Variants in DUOX2 observed in about 807,000 individuals in gnomAD.
The protein encoded by DUOX2 is NADH/NADPH thyroid oxidase p138-tox.
Under a neutral mutation model 183.3 loss-of-function variants are expected in DUOX2, and 185 were observed. That is an observed-to-expected ratio of 1.01 (90% CI 0.90 to 1.14). DUOX2 has a LOEUF of 1.14. DUOX2 is among the 50% of genes most tolerant of loss of function. DUOX2 has a pLI of 0.00. For missense variants in DUOX2, 1,999 were observed against 2,022.9 expected, an observed-to-expected ratio of 0.99 and a Z score of 0.23; for synonymous variants, 788 against 812.4, an observed-to-expected ratio of 0.97 and a Z score of 0.51.
rs1320356817 is a variant in DUOX2 at position 45,111,446 on chromosome 15, G to C, written c.653C>G (p.Pro218Arg). 2 of 1,544,676 alleles carry C rather than the reference G, an allele frequency of 1.3e-6. No homozygotes were observed. The highest frequency in any genetic ancestry group is 2.8e-5 in the African/African-American group (2 of 72,578). Reference sequence around the variant, plus strand: ...GTCGGGCGCCGCCCACATGAGCAGGGGGTTCTGCGAGTCTCGGGGGAAAGC... The same window carrying C: ...GTCGGGCGCCGCCCACATGAGCAGGCGGTTCTGCGAGTCTCGGGGGAAAGC... ...DPAFPRDSQN[P>R]LLMWAAPDPA... Residue 218 changes from proline (P) to arginine (R), a missense_variant, in exon 6 of 34, where the codon CCC becomes CGC. Physicochemically the swap from Pro to Arg is moderately radical, Grantham distance 103. Coordinates refer to ENST00000389039, the MANE Select transcript of DUOX2 (RefSeq NM_001363711.2).
intron 15 of DUOX2, 41 bp downstream of exon 15, chr15:45,106,791 G>C (rs370004660): frequency 1.2e-4 from 197 of 1,598,848 alleles, no homozygotes; most frequent in Middle Eastern, 3.3e-4. Context: ...CAGGAAATGA[G>C]GGGCAGGGCC....
intron 20 of DUOX2, among the ~76,000 whole-genome samples, chr15:45,103,077 G>A (rs1030039640): frequency 2.0e-5 from 3 of 152,240 alleles, no homozygotes; most frequent in African/African-American, 7.2e-5. Context: ...ACCTCGGGCT[G>A]GGCCTGCAGT....
rs2141145828 is a variant in DUOX2, at chr15:45,101,203, A to G, written c.2921+2T>C. ...ACCTGCCAGAGCCCCATTCCTGCTC[A>G]CCGCTCCCCAGGTGTCCGAGTGATG... On this transcript the variant is annotated splice_donor_variant, in intron 22 of 33. Coordinates refer to ENST00000389039, the MANE Select transcript of DUOX2 (RefSeq NM_001363711.2). LOFTEE classifies it high-confidence loss of function. 1 of 1,613,378 alleles carries G rather than the reference A, an allele frequency of 6.2e-7. No individual in the cohort carries two copies. The highest frequency in any genetic ancestry group is 1.3e-5 in the African/African-American group (1 of 75,018).
chr15:45,094,606 G>A lies in DUOX2; in HGVS notation c.4481C>T (p.Pro1494Leu), dbSNP rs576041718. 9.9e-6 allele frequency: 16 copies of A among 1,614,104 alleles called. No homozygotes were observed. The highest frequency in any genetic ancestry group is 2.2e-5 in the East Asian group (1 of 44,862). ...CAGGGAGTTGAAGAAGGGCTCGAAG[G>A]GGGGACGGCCAAAGTGGGTGATGGA... ...LRSITHFGRP[P>L]FEPFFNSLQE... The change falls in exon 33 of 34, where the codon CCC becomes CTC. Residue 1494 changes from proline (P) to leucine (L), a missense_variant. Pro to Leu is a moderately conservative substitution (Grantham distance 98, BLOSUM62 -3). Around this residue, in one of 3 missense-constraint regions of DUOX2, gnomAD observed 1,628 missense variants for 1,608.6 expected, o/e 1.01. Transcript: ENST00000389039.
At position 45,109,400 on chromosome 15, in the gene DUOX2, T is replaced by C. The variant is rs1894317071; in HGVS notation, c.1234+124A>G. Reference sequence around the variant, plus strand: ...AGTTCATTTTCTTCTTATGGCTCCTTGAAGTCTGTGTTTGTATCTGTGTTC... The same window carrying C: ...AGTTCATTTTCTTCTTATGGCTCCTCGAAGTCTGTGTTTGTATCTGTGTTC... On this transcript the variant is annotated intron_variant, in intron 11 of 33. Transcript: ENST00000389039. The C allele has an allele frequency of 4.1e-5, 33 of 813,226 alleles. No homozygotes were observed. In the South Asian group the frequency reaches 4.5e-4, roughly 11 times the overall value. 50.4% of individuals were successfully genotyped at this position (813,226 alleles called of 1,614,324 possible).
At position 45,099,547 on chromosome 15, in the gene DUOX2, G is replaced by T. The variant is rs1334117249; in HGVS notation, c.3416-65C>A. The T allele has an allele frequency of 2.5e-6, 4 of 1,586,644 alleles. No individual in the cohort carries two copies. The Admixed American group carries it at 6.8e-5, about 27-fold the overall frequency. On this transcript the variant is annotated intron_variant, in intron 25 of 33. Coordinates refer to ENST00000389039, the MANE Select transcript of DUOX2 (RefSeq NM_001363711.2). The stretch of plus-strand genomic sequence containing the variant: ...AGACTCTACCTCCGATCCTGAGGGA[G>T]AGAGGAGGCATAGGGAGGAGAGATG...
rs374320186 is a variant in DUOX2, at chr15:45,107,333, C to A, written c.1693+12G>T. On this transcript the variant is annotated intron_variant, in intron 14 of 33. Coordinates refer to ENST00000389039, the MANE Select transcript of DUOX2 (RefSeq NM_001363711.2). ...CCACTGTCACTCACTTGTGTTCTCCCACGGCACTCACCTTTATGCCAGACA... is the reference window on the plus strand; with the variant it reads ...CCACTGTCACTCACTTGTGTTCTCCAACGGCACTCACCTTTATGCCAGACA... The A allele has an allele frequency of 6.2e-7, 1 of 1,613,616 alleles. No individual in the cohort carries two copies. Among genetic ancestry groups the A allele is most frequent in the African/African-American group, 1.3e-5 (1 of 74,922 alleles).
chr15:45,094,674 G>C lies in DUOX2; in HGVS notation c.4413C>G (p.His1471Gln). Residue 1471 changes from histidine (H) to glutamine (Q), a missense_variant, in exon 33 of 34, where the codon CAC becomes CAG. His to Gln is a conservative substitution (Grantham distance 24). This residue lies in a region of DUOX2 where 1,628 missense variants were observed against 1,608.6 expected (regional missense o/e 1.01). Coordinates refer to ENST00000389039, the MANE Select transcript of DUOX2 (RefSeq NM_001363711.2). ...GACTCCGGTTCAGCACTTTCTGGAA[G>C]TGCCGCTCGCAGATGTACTGGGGGC... ...RTTMLYICER[H>Q]FQKVLNRSLF... The C allele has an allele frequency of 1.2e-6, 2 of 1,614,136 alleles. No homozygotes were observed. The highest frequency in any genetic ancestry group is 1.7e-6 in the Non-Finnish European group (2 of 1,180,008).
rs2141141555 is a variant in DUOX2 at position 45,097,272 on chromosome 15, C to T, written c.3813G>A (p.Glu1271=). 1.9e-6 allele frequency: 3 copies of T among 1,614,270 alleles called. No homozygotes were observed. Among genetic ancestry groups the T allele is most frequent in the Non-Finnish European group, 2.5e-6 (3 of 1,180,056 alleles). The change falls in exon 29 of 34, where the codon GAG becomes GAA. Residue 1271 remains glutamate, a synonymous_variant. Coordinates refer to ENST00000389039, the MANE Select transcript of DUOX2 (RefSeq NM_001363711.2). ...GCAGCTCCGCCTTCACCACGCTGAT[C>T]TCCACCTTCTTCCGGCTCAGGCTCA... ...KLVSLSRKKV[E]ISVVKAELLP...
At chr15:45,110,587 A>T in intron 8 of DUOX2, 63 bp from the exon 9 acceptor site, 2 of 1,613,802 alleles carry the variant, frequency 1.2e-6, no homozygotes, top group South Asian at 1.1e-5. Context: ...CTCCCATCAC[A>T]GGCACCTGTC....
intron 14 of DUOX2, 64 bp downstream of exon 14, chr15:45,107,281 G>A (rs1013619631): frequency 5.8e-5 from 92 of 1,588,848 alleles, no homozygotes; most frequent in African/African-American, 1.6e-4. Context: ...TGATTCCCCC[G>A]CACCCTCAAT....
In DUOX2 at chr15:45,100,205, A is replaced by G; in HGVS notation, c.3029T>C (p.Leu1010Pro). 6.2e-7 allele frequency: 1 copy of G among 1,613,956 alleles called. No individual in the cohort carries two copies. Among genetic ancestry groups the G allele is most frequent in the South Asian group, 1.1e-5 (1 of 91,084 alleles). ...CTTCTCTTGCAGCGCCTCTGTGTAC[A>G]GCCGGGGAGTGGGCACTGCTGCCCT... ...GKKAAVPTPR[L>P]YTEALQEKMQ... is the part of the protein sequence containing the mutation. The change falls in exon 24 of 34, where the codon CTG becomes CCG. Residue 1010 changes from leucine (L) to proline (P), a missense_variant. Physicochemically the swap from Leu to Pro is moderately conservative, Grantham distance 98 (BLOSUM62 -3). Coordinates refer to ENST00000389039, the MANE Select transcript of DUOX2 (RefSeq NM_001363711.2).
Position 45,110,710 on chromosome 15 carries a change from T to A in DUOX2, c.883A>T (p.Asn295Tyr), listed in dbSNP as rs1387082787. The change falls in exon 8 of 34, where the codon AAC becomes TAC. Residue 295 changes from asparagine to tyrosine, a missense_variant and splice_region_variant. Physicochemically the swap from Asn to Tyr is moderately radical, Grantham distance 143 (BLOSUM62 -2). Transcript: ENST00000389039. ...GGCAGCCACTCATACACAGCGATGT[T>A]CTGAGGGGCAGAGAGGGGCGAGGGG... Reference protein sequence around the residue: ...ARKRVIATYQNIAVYEWLPSF... With the variant: ...ARKRVIATYQYIAVYEWLPSF... The A allele has an allele frequency of 6.2e-7, 1 of 1,612,032 alleles. No homozygotes were observed. Among genetic ancestry groups the A allele is most frequent in the Non-Finnish European group, 8.5e-7 (1 of 1,179,880 alleles).
intron 29 of DUOX2, 75 bp from the exon 30 acceptor site, chr15:45,096,135 C>A (rs888124822): frequency 1.6e-6 from 2 of 1,271,736 alleles, no homozygotes; most frequent in Admixed American, 3.5e-5. Context: ...AGGCACCTGT[C>A]CTCTTCACAC....
At position 45,101,784 on chromosome 15, in the gene DUOX2, CA is replaced by C. The variant is rs1894087393; in HGVS notation, c.2851+8del. 6.2e-7 allele frequency: 1 copy of C among 1,614,120 alleles called. No homozygotes were observed. Among genetic ancestry groups the C allele is most frequent in the Admixed American group, 1.7e-5 (1 of 60,010 alleles). On this transcript the variant is annotated splice_region_variant and intron_variant, in intron 21 of 33. Coordinates refer to ENST00000389039, the MANE Select transcript of DUOX2 (RefSeq NM_001363711.2). Reference sequence around the variant, plus strand: ...CCTCCCTGACGCCAACCATTCCTCACACACTCACCATTTCCACCTCCACCTC... The same window carrying C: ...CCTCCCTGACGCCAACCATTCCTCACCACTCACCATTTCCACCTCCACCTC...
chr15:45,100,108 G>A lies in DUOX2; in HGVS notation c.3126C>T (p.Ile1042=), dbSNP rs368681350. The change falls in exon 24 of 34, where the codon ATC becomes ATT. Residue 1042 remains isoleucine, a synonymous_variant. Coordinates refer to ENST00000389039, the MANE Select transcript of DUOX2 (RefSeq NM_001363711.2). Reference sequence around the variant, plus strand: ...TGGCCGAGAAGATTGCCACACACACGATGTGCCTCCGGTAGTTCTCCACGA... The same window carrying A: ...TGGCCGAGAAGATTGCCACACACACAATGTGCCTCCGGTAGTTCTCCACGA... ...KRFVENYRRH[I]VCVAIFSAIC... is the part of the protein sequence containing the mutation. 5.6e-6 allele frequency: 9 copies of A among 1,614,220 alleles called. No individual in the cohort carries two copies. Among genetic ancestry groups the A allele is most frequent in the South Asian group, 4.4e-5 (4 of 91,084 alleles).
Position 45,108,862 on chromosome 15 carries a change from C to T in DUOX2, c.1325G>A (p.Ser442Asn), listed in dbSNP as rs751971675. The T allele has an allele frequency of 3.1e-6, 5 of 1,614,248 alleles. No homozygotes were observed. The Admixed American group carries it at 6.7e-5, about 22-fold the overall frequency. Residue 442 changes from serine (S) to asparagine (N), a missense_variant, in exon 12 of 34, where the codon AGC (serine) becomes AAC (asparagine). Physicochemically the swap from Ser to Asn is conservative, Grantham distance 46. Around this residue, in one of 3 missense-constraint regions of DUOX2, gnomAD observed 1,628 missense variants for 1,608.6 expected, o/e 1.01. Coordinates refer to ENST00000389039, the MANE Select transcript of DUOX2 (RefSeq NM_001363711.2). The part of the protein sequence containing the change: ...RGRDMGLPSY[S>N]QALLAFGLDI... ...CAGCCCAAAGGCCAGCAGGGCCTGG[C>T]TATAGCTGGGCAGCCCCATATCTCG... is the stretch of plus-strand genomic sequence containing the variant.
chr15:45,110,398 G>A lies in DUOX2; in HGVS notation c.1040+30C>T. ...GCTCATTCTGCACCTTTCTTAGTGT[G>A]GTGCCCCTCTCTGCCAACCCCTCCC... is the stretch of plus-strand genomic sequence containing the variant. On this transcript the variant is annotated intron_variant, in intron 9 of 33. Transcript: ENST00000389039. 3.8e-6 allele frequency: 6 copies of A among 1,590,526 alleles called. 1 individual carries two copies. The Admixed American group carries it at 6.7e-5, about 18-fold the overall frequency.
rs772758871 is a variant in DUOX2, at chr15:45,106,846, C to A, written c.1817G>T (p.Cys606Phe). 6.3e-7 allele frequency: 1 copy of A among 1,594,286 alleles called. No homozygotes were observed. The highest frequency in any genetic ancestry group is 8.5e-7 in the Non-Finnish European group (1 of 1,171,284). Reference protein sequence around the residue: ...PGFAITIIALCCLPLVSLLLS... With the variant: ...PGFAITIIALFCLPLVSLLLS... ...TAAGAGCTCACCTAAGGGAAGGCAGCAGAGAGCAATGATGGTGATGGCAAA... is the reference window on the plus strand; with the variant it reads ...TAAGAGCTCACCTAAGGGAAGGCAGAAGAGAGCAATGATGGTGATGGCAAA... The change falls in exon 15 of 34, where the codon TGC becomes TTC. Residue 606 changes from cysteine to phenylalanine, a missense_variant. Cys to Phe is a radical substitution (Grantham distance 205). Around this residue, in one of 3 missense-constraint regions of DUOX2, gnomAD observed 1,628 missense variants for 1,608.6 expected, o/e 1.01. Coordinates refer to ENST00000389039, the MANE Select transcript of DUOX2 (RefSeq NM_001363711.2).
Sources: gnomAD v4.1 joint callset for allele counts (sites outside exome capture counted in the v4.1 genomes callset) on GRCh38, gnomAD v4.1.1 for gene constraint, gnomAD v4.1.1 regional missense constraint, MANE v1.5 for transcripts, NCBI Gene and HGNC (gene_info 2026-07-23, HGNC 2026-07-21) for gene names.